The following PPA1 variants were observed in gnomAD, a reference collection of about 807,000 sequenced individuals.
PPA1 encodes the protein inorganic pyrophosphatase.
Under a neutral mutation model 41.8 loss-of-function variants are expected in PPA1, and 23 were observed. The ratio of observed to expected loss-of-function variants is 0.55; its 90% CI spans 0.40 to 0.78. The LOEUF (loss-of-function observed/expected upper bound fraction) is 0.78, where lower values mean the gene tolerates loss of function less well. PPA1 is among the 30% of genes least tolerant of loss of function. PPA1 has a pLI of 0.00. For synonymous variants in PPA1, 101 were observed against 116.8 expected (o/e 0.86, Z 0.87); for missense variants, 320 against 361.6 (o/e 0.89, Z 0.93).
chr10:70,206,490 G>C (rs1839940321), intron 8 of PPA1, among the ~76,000 whole-genome samples, 157 bp from the exon 9 acceptor site: 1 of 151,918 alleles, frequency 6.6e-6, no homozygotes, highest in Admixed American at 6.6e-5. Flanking sequence ...ATGTATTTTG[G>C]CAAGGCATAG....
At chr10:70,208,197 C>T (rs564941570) in intron 8 of PPA1, among the ~76,000 whole-genome samples, 1 of 152,016 alleles carries the variant, frequency 6.6e-6, no homozygotes, top group Non-Finnish European at 1.5e-5. Flanking sequence ...TCTCAGAAAA[C>T]AACAACAACA....
chr10:70,232,811 A>T (rs1252603627), intron 1 of PPA1, among the ~76,000 whole-genome samples: 1 of 152,076 alleles, frequency 6.6e-6, no homozygotes, highest in Non-Finnish European at 1.5e-5. Context: ...AGCGCCGATA[A>T]TCTGAGCTAC....
intron 4 of PPA1, among the ~76,000 whole-genome samples, chr10:70,215,542 G>A (rs924809305): frequency 5.9e-5 from 9 of 151,608 alleles, no homozygotes; most frequent in Admixed American, 1.3e-4. Flanking sequence ...GTGCAGTGGC[G>A]CAATCTTGGC....
chr10:70,209,891 CAT>C (rs967012151), intron 6 of PPA1: 1 of 554,978 alleles, frequency 1.8e-6, no homozygotes, highest in African/African-American at 1.9e-5. Context: ...AAGCCATACA[CAT>C]ATACATTGAA....
intron 2 of PPA1, among the ~76,000 whole-genome samples, chr10:70,226,799 ATTCTG>A (rs1248220355): frequency 6.6e-6 from 1 of 152,180 alleles, no homozygotes; most frequent in African/African-American, 2.4e-5. Flanking sequence ...TGCAGATAAT[ATTCTG>A]TTAAGTTTCT....
At chr10:70,226,066 C>T (rs541374270) in intron 2 of PPA1, among the ~76,000 whole-genome samples, 83 of 152,236 alleles carry the variant, frequency 5.5e-4, no homozygotes, top group African/African-American at 2.0e-3. Context: ...AACATTTGTT[C>T]AACAAATTGT....
chr10:70,204,636 A>G, intron 10 of PPA1: 1 of 418,120 alleles, frequency 2.4e-6, no homozygotes, highest in East Asian at 4.1e-5. Context: ...CTATTTCAAA[A>G]TTGCTAAGAG....
intron 6 of PPA1, chr10:70,210,439 G>T (rs1376573740): frequency 2.9e-6 from 4 of 1,362,854 alleles, no homozygotes; most frequent in African/African-American, 1.5e-5. Context: ...AAGAAAAATA[G>T]ATTAGATTGA....
intron 2 of PPA1, among the ~76,000 whole-genome samples, chr10:70,221,082 T>TATATATATATATA (rs1840162235): frequency 8.9e-5 from 2 of 22,534 alleles, no homozygotes; most frequent in African/African-American, 3.0e-4. Context: ...ATATATTTTT[T>TATATATATATATA]TTTTTTTTTT....
chr10:70,223,640 T>A (rs1840199328), intron 2 of PPA1, among the ~76,000 whole-genome samples: 1 of 152,284 alleles, frequency 6.6e-6, no homozygotes, highest in Admixed American at 6.5e-5. Context: ...AACAGTGATA[T>A]TTAGGATTTT....
intron 2 of PPA1, among the ~76,000 whole-genome samples, chr10:70,224,246 CA>C (rs58480019): frequency 0.42 from 28,850 of 69,470 alleles, 2,569 homozygotes; most frequent in Middle Eastern, 0.47. Context: ...CCTGTCTCTA[CA>C]AAAAAAAAAA....
chr10:70,209,127 A>G (rs1001533456), intron 8 of PPA1, 78 bp downstream of exon 8: 2 of 1,029,952 alleles, frequency 1.9e-6, no homozygotes, highest in Non-Finnish European at 2.9e-6. Context: ...GTAACAGTAC[A>G]GTGTCTTATG....
At chr10:70,214,255 C>T (rs892430540) in intron 5 of PPA1, among the ~76,000 whole-genome samples, 2 of 152,198 alleles carry the variant, frequency 1.3e-5, no homozygotes, top group African/African-American at 4.8e-5. Flanking sequence ...CAATGCAGAA[C>T]ATGTCCAGTT....
At position 70,218,766 on chromosome 10, in the gene PPA1, C is replaced by T; in HGVS notation, c.175G>A (p.Glu59Lys). Residue 59 changes from glutamate (E) to lysine (K), a missense_variant and splice_region_variant, in exon 3 of 11, where the codon GAG becomes AAG. Coordinates refer to ENST00000373232, the MANE Select transcript of PPA1 (RefSeq NM_021129.4). ...TCAAATGTAAGGTGAAATATTACCT[C>T]CATTTTTGCATTAGACCAGCGTGGT... ...EVPRWSNAKM[E>K]IATKDPLNPI... The T allele has an allele frequency of 1.2e-6, 2 of 1,606,088 alleles. No individual in the cohort carries two copies. The highest frequency in any genetic ancestry group is 1.7e-6 in the Non-Finnish European group (2 of 1,173,004).
chr10:70,220,756 A>G lies in PPA1; in HGVS notation c.124-1939T>C, dbSNP rs1441457282. Among the ~76,000 whole-genome samples, 14 of 17,808 alleles carry G rather than the reference A, an allele frequency of 7.9e-4. 6 individuals carry two copies. Among genetic ancestry groups the G allele is most frequent in the African/African-American group, 3.7e-3 (14 of 3,748 alleles). The allele number at this position is 17,808 out of a possible 152,430, so 11.7% of individuals were successfully genotyped here. A position where few individuals can be genotyped will look rare whatever the true frequency, so the allele number is the denominator to read the frequency against. ...TATATAATTTATATATATATAATATATATAATTTATATATATATAATATAT... is the reference window on the plus strand; with the variant it reads ...TATATAATTTATATATATATAATATGTATAATTTATATATATATAATATAT... On this transcript the variant is annotated intron_variant, in intron 2 of 10. Coordinates refer to ENST00000373232, the MANE Select transcript of PPA1 (RefSeq NM_021129.4).
chr10:70,215,941 T>G (rs1840075741), intron 4 of PPA1, among the ~76,000 whole-genome samples: 1 of 152,234 alleles, frequency 6.6e-6, no homozygotes, highest in Non-Finnish European at 1.5e-5. Flanking sequence ...ACTGAAAGCC[T>G]GTGCTAGCCA....
chr10:70,213,284 G>A (rs1840042963), intron 6 of PPA1, among the ~76,000 whole-genome samples, 179 bp downstream of exon 6: 1 of 152,156 alleles, frequency 6.6e-6, no homozygotes, highest in Non-Finnish European at 1.5e-5. Flanking sequence ...CTGGAATGAA[G>A]GAGAAAGTTT....
At chr10:70,218,548 G>T (rs1034207076) in intron 3 of PPA1, 1 of 522,788 alleles carries the variant, frequency 1.9e-6, no homozygotes, top group South Asian at 2.6e-5. Flanking sequence ...AAGCAAAGAT[G>T]TTGGGAAGAA....
intron 6 of PPA1, chr10:70,210,387 G>C: frequency 7.3e-7 from 1 of 1,365,524 alleles, no homozygotes; most frequent in Non-Finnish European, 9.8e-7. Context: ...CAGAGGCAGA[G>C]GCTATGTCAG....
Sources: gnomAD v4.1 joint callset for allele counts (sites outside exome capture counted in the v4.1 genomes callset) on GRCh38, gnomAD v4.1.1 for gene constraint, MANE v1.5 for transcripts, NCBI Gene and HGNC (gene_info 2026-07-23, HGNC 2026-07-21) for gene names.